Variants in MAN2A1 observed in about 807,000 individuals in gnomAD.
The protein encoded by MAN2A1 is alpha-mannosidase 2.
A neutral mutation model predicts 142.6 loss-of-function variants in MAN2A1; 76 were observed. The observed-to-expected ratio is 0.53, with a 90% CI of 0.44 to 0.65. The LOEUF is 0.65. MAN2A1 is among the 30% of genes least tolerant of loss of function. MAN2A1 has a pLI of 0.00. For missense variants in MAN2A1, 1,311 were observed against 1,365.1 expected (o/e 0.96, Z 0.62); for synonymous variants, 559 against 473.2 (o/e 1.18, Z -2.35).
intron 14 of MAN2A1, 108 bp from the exon 15 acceptor site, chr5:109,820,112 G>C: frequency 9.9e-7 from 1 of 1,011,412 alleles, no homozygotes; most frequent in Non-Finnish European, 1.4e-6. Flanking sequence ...TGGTCCACCA[G>C]ATAAGTACAG....
At chr5:109,762,597 A>G (rs529358880) in intron 5 of MAN2A1, among the ~76,000 whole-genome samples, 54 of 152,232 alleles carry the variant, frequency 3.5e-4, no homozygotes, top group Non-Finnish European at 6.2e-4. Context: ...GCAGAGGACA[A>G]TGGCAATGTG....
chr5:109,856,328 T>C (rs1755604792), intron 20 of MAN2A1, among the ~76,000 whole-genome samples: 1 of 152,096 alleles, frequency 6.6e-6, no homozygotes, highest in South Asian at 2.1e-4. Flanking sequence ...AAGGCAGTGG[T>C]TTTGGCACCT....
At chr5:109,734,863 G>A (rs1199987052) in intron 4 of MAN2A1, among the ~76,000 whole-genome samples, 2 of 152,214 alleles carry the variant, frequency 1.3e-5, no homozygotes. Flanking sequence ...TTGGGGTGGA[G>A]AGTTCTGTAG....
Position 109,770,297 on chromosome 5 carries a change from A to T in MAN2A1, c.1010-58A>T. On this transcript the variant is annotated intron_variant, in intron 6 of 21. Coordinates refer to ENST00000261483, the MANE Select transcript of MAN2A1 (RefSeq NM_002372.4). ...TGTGTAAAGTAATGACATTTTGAAT[A>T]TTTTTTGGGAAAACAGATTTTATAA... 4.0e-6 allele frequency: 6 copies of T among 1,483,534 alleles called. No individual in the cohort carries two copies. The South Asian group carries it at 7.1e-5, about 18-fold the overall frequency. The allele number at this position is 1,483,534 out of a possible 1,614,324, so 91.9% of individuals were successfully genotyped here. A position where few individuals can be genotyped will look rare whatever the true frequency, so the allele number is the denominator to read the frequency against.
At position 109,690,139 on chromosome 5, in the gene MAN2A1, T is replaced by A; in HGVS notation, c.-279T>A. The A allele has an allele frequency of 2.6e-6, 1 of 391,850 alleles. No individual in the cohort carries two copies. The highest frequency in any genetic ancestry group is 4.7e-6 in the Non-Finnish European group (1 of 211,990). 24.3% of individuals were successfully genotyped at this position (391,850 alleles called of 1,614,324 possible). On this transcript the variant is annotated 5_prime_UTR_variant, in exon 1 of 22. Transcript: ENST00000261483. ...CCGGAGGTCGGCGCTGAGCTTGCGA[T>A]CAAGTTTGTGGGGGCCCCCCTTCCC...
At chr5:109,753,129 C>G (rs1752592380) in intron 4 of MAN2A1, among the ~76,000 whole-genome samples, 1 of 151,982 alleles carries the variant, frequency 6.6e-6, no homozygotes, top group Non-Finnish European at 1.5e-5. Flanking sequence ...TCCAAAAGAT[C>G]TATTTATTGA....
chr5:109,716,159 G>T lies in MAN2A1; in HGVS notation c.430G>T (p.Asp144Tyr). ...CAGTCTAATTTCTTTTGACAATCCA[G>T]ATGGTGGAGTTTGGAAGCAAGGATT... ...VYSLISFDNPDGGVWKQGFDI... is the reference protein window; with the variant it reads ...VYSLISFDNPYGGVWKQGFDI... The change falls in exon 3 of 22, where the codon GAT (aspartate) becomes TAT (tyrosine). Residue 144 changes from aspartate to tyrosine, a missense_variant. Asp to Tyr is a radical substitution (Grantham distance 160). This residue lies in a region of MAN2A1 where 409 missense variants were observed against 412.7 expected (regional missense o/e 0.99). Coordinates refer to ENST00000261483, the MANE Select transcript of MAN2A1 (RefSeq NM_002372.4). 1 of 1,612,216 alleles carries T rather than the reference G, an allele frequency of 6.2e-7. No homozygotes were observed. Among genetic ancestry groups the T allele is most frequent in the Non-Finnish European group, 8.5e-7 (1 of 1,178,636 alleles).
At chr5:109,742,865 G>C (rs1324267027) in intron 4 of MAN2A1, among the ~76,000 whole-genome samples, 1 of 152,178 alleles carries the variant, frequency 6.6e-6, no homozygotes, top group African/African-American at 2.4e-5. Context: ...GTTTATTTTA[G>C]AAAGCATATG....
In MAN2A1 at chr5:109,714,159, G is replaced by T. The variant is rs139709161; in HGVS notation, c.390+385G>T. Among the ~76,000 whole-genome samples, 92 of 148,344 alleles carry T rather than the reference G, an allele frequency of 6.2e-4. 1 individual carries two copies. The highest frequency in any genetic ancestry group is 3.5e-3 in the Middle Eastern group (1 of 286). On this transcript the variant is annotated intron_variant, in intron 2 of 21. Coordinates refer to ENST00000261483, the MANE Select transcript of MAN2A1 (RefSeq NM_002372.4). The stretch of plus-strand genomic sequence containing the variant: ...ATATCAGTTGTACATTATAGATTTT[G>T]TACAAAGTAAGGTTAGACTTTTTTT...
intron 4 of MAN2A1, among the ~76,000 whole-genome samples, chr5:109,735,715 C>T (rs911218132): frequency 2.6e-5 from 4 of 152,208 alleles, no homozygotes; most frequent in Non-Finnish European, 4.4e-5. Flanking sequence ...TTAAAAAGTT[C>T]TTTCAATGAG....
intron 1 of MAN2A1, among the ~76,000 whole-genome samples, chr5:109,697,973 G>C (rs1261895083): frequency 6.6e-6 from 1 of 152,198 alleles, no homozygotes; most frequent in East Asian, 1.9e-4. Flanking sequence ...TGCTTGATGA[G>C]TTTGTTTCTC....
chr5:109,700,303 G>A (rs1340753780), intron 1 of MAN2A1, among the ~76,000 whole-genome samples: 4 of 134,726 alleles, frequency 3.0e-5, no homozygotes, highest in South Asian at 4.6e-4. Flanking sequence ...TTTTTTGGTC[G>A]TTCACAATTA....
intron 7 of MAN2A1, 22 bp downstream of exon 7, chr5:109,770,563 A>G (rs761031971): frequency 6.2e-7 from 1 of 1,606,720 alleles, no homozygotes; most frequent in Non-Finnish European, 8.5e-7. Flanking sequence ...CGTATTTCAT[A>G]AGACAACATC....
At chr5:109,808,298 A>C (rs1754225452) in intron 12 of MAN2A1, among the ~76,000 whole-genome samples, 1 of 152,198 alleles carries the variant, frequency 6.6e-6, no homozygotes, top group Admixed American at 6.5e-5. Context: ...CTTCCTGTAG[A>C]ATAGTGTTTA....
intron 16 of MAN2A1, among the ~76,000 whole-genome samples, chr5:109,837,614 C>G (rs1174458346): frequency 1.3e-5 from 2 of 152,146 alleles, no homozygotes; most frequent in African/African-American, 2.4e-5. Flanking sequence ...TTGTAGTAAA[C>G]ATATGGTACA....
chr5:109,693,403 T>C (rs1373487569), intron 1 of MAN2A1, among the ~76,000 whole-genome samples: 1 of 151,912 alleles, frequency 6.6e-6, no homozygotes, highest in African/African-American at 2.4e-5. Flanking sequence ...AGCAGGTCGG[T>C]CACTATGTGT....
intron 12 of MAN2A1, among the ~76,000 whole-genome samples, chr5:109,799,346 C>T (rs1003797488): frequency 1.3e-5 from 2 of 152,102 alleles, no homozygotes; most frequent in African/African-American, 4.8e-5. Context: ...ACTATGTGCT[C>T]CAGCCCCACA....
At chr5:109,838,988 T>C (rs1172236362) in intron 16 of MAN2A1, among the ~76,000 whole-genome samples, 3 of 152,224 alleles carry the variant, frequency 2.0e-5, no homozygotes, top group African/African-American at 7.2e-5. Flanking sequence ...TTAAAATTAA[T>C]GATGTTCTCT....
Position 109,855,237 on chromosome 5 carries a change from CCT to C in MAN2A1, c.3076_3077del (p.Ser1026ThrfsTer4). On this transcript the variant is annotated frameshift_variant, in exon 20 of 22. Transcript: ENST00000261483. LOFTEE classifies it high-confidence loss of function. ...GTCATTCCAATGGCAAATAAGTTCT[CCT>C]CACCTACCCTTGAGCTGCAAGGTGA... 9.4e-7 allele frequency: 1 copy of C among 1,062,898 alleles called. No homozygotes were observed. Among genetic ancestry groups the C allele is most frequent in the Non-Finnish European group, 1.2e-6 (1 of 810,182 alleles). The allele number at this position is 1,062,898 out of a possible 1,614,324, so 65.8% of individuals were successfully genotyped here.
Sources: gnomAD v4.1 joint callset for allele counts (sites outside exome capture counted in the v4.1 genomes callset) on GRCh38, gnomAD v4.1.1 for gene constraint, gnomAD v4.1.1 regional missense constraint, MANE v1.5 for transcripts, NCBI Gene and HGNC (gene_info 2026-07-23, HGNC 2026-07-21) for gene names.